The following ACOT1 variants were observed in gnomAD, a reference collection of about 807,000 sequenced individuals.
ACOT1 encodes acyl-coenzyme A thioesterase 1.
Under a neutral mutation model 15.7 loss-of-function variants are expected in ACOT1, and 8 were observed. The observed-to-expected ratio is 0.51, with a 90% CI of 0.30 to 0.92. The LOEUF is 0.92. ACOT1 is among the 40% of genes least tolerant of loss of function. The pLI is 0.06. For synonymous variants in ACOT1, 67 were observed against 241.2 expected, an observed-to-expected ratio of 0.28 and a Z score of 6.69; for missense variants, 151 against 539.4, an observed-to-expected ratio of 0.28 and a Z score of 7.13.
chr14:73,520,238 G>C, the ACOT1 span: 3 of 152,250 alleles, frequency 2.0e-5, no homozygotes, highest in African/African-American at 7.2e-5. Context: ...AGGCATCTAA[G>C]GGACAGCAGT....
At chr14:73,503,092 C>CT in the ACOT1 span, 1 of 1,104,876 alleles carries the variant, frequency 9.1e-7, no homozygotes, top group Non-Finnish European at 1.4e-6. Context: ...GTTTTTTCTT[C>CT]TTTTTTTACT....
chr14:73,493,420 T>C, the ACOT1 span: 1 of 318,904 alleles, frequency 3.1e-6, no homozygotes, highest in South Asian at 5.6e-5. Flanking sequence ...TAGATTATTA[T>C]GTGGGATGGT....
chr14:73,506,722 T>C, the ACOT1 span: 1 of 488,776 alleles, frequency 2.0e-6, no homozygotes, highest in Non-Finnish European at 3.6e-6. Flanking sequence ...GCCAACTGAC[T>C]CTGGGATCAT....
the ACOT1 span, chr14:73,520,910 G>T: frequency 1.2e-6 from 2 of 1,613,952 alleles, no homozygotes; most frequent in Non-Finnish European, 1.7e-6. Context: ...TTCCAGCTCG[G>T]GGAGTCACCT....
At chr14:73,516,748 G>A in the ACOT1 span, among the ~76,000 whole-genome samples, 36 of 152,306 alleles carry the variant, frequency 2.4e-4, no homozygotes, top group African/African-American at 7.9e-4. Flanking sequence ...TCTGCCTCCT[G>A]TCAGATCAGC....
At chr14:73,512,710 C>A in the ACOT1 span, among the ~76,000 whole-genome samples, 294 of 152,320 alleles carry the variant, frequency 1.9e-3, 4 homozygotes, top group African/African-American at 6.2e-3. Context: ...TTTGAGGGCA[C>A]TTCCATTTGG....
the ACOT1 span, among the ~76,000 whole-genome samples, chr14:73,509,870 T>TATATATA: frequency 1.5e-5 from 1 of 65,124 alleles, no homozygotes; most frequent in African/African-American, 5.9e-5. Flanking sequence ...ATATATATAT[T>TATATATA]TATTTATTTT....
rs200357086 is a variant in ACOT1, at chr14:73,540,742, CTTTT to C, written c.458-735_458-732del. On this transcript the variant is annotated intron_variant, in intron 1 of 2. Coordinates refer to ENST00000311148, the MANE Select transcript of ACOT1 (RefSeq NM_001037161.2). ...GTGTTGCCTGTAAGGTGTTTGCATTCTTTTTTTTTTTTTTTTTTTGAGACAGTGT... is the reference window on the plus strand; with the variant it reads ...GTGTTGCCTGTAAGGTGTTTGCATTCTTTTTTTTTTTTTTTGAGACAGTGT... 9.7e-3 allele frequency among the ~76,000 whole-genome samples: 775 copies of C among 79,846 alleles called. 3 individuals are homozygous for C. The highest frequency in any genetic ancestry group is 0.049 in the East Asian group (59 of 1,196). The allele number at this position is 79,846 out of a possible 152,430, so 52.4% of individuals were successfully genotyped here.
the ACOT1 span, among the ~76,000 whole-genome samples, chr14:73,523,948 A>G: frequency 6.6e-6 from 1 of 152,096 alleles, no homozygotes; most frequent in African/African-American, 2.4e-5. Flanking sequence ...TCTGTCTTTC[A>G]GAGTCATCCA....
chr14:73,542,920 T>C lies in ACOT1; in HGVS notation c.661-130T>C, dbSNP rs1213153432. 61 of 998,294 alleles carry C rather than the reference T, an allele frequency of 6.1e-5. 18 individuals carry two copies. The Middle Eastern group carries it at 1.1e-3, about 17-fold the overall frequency. 61.8% of individuals were successfully genotyped at this position (998,294 alleles called of 1,614,324 possible). ...TAGAGGGGAGGTAAATTCCCAAAGC[T>C]GCAAATCTGGGTAAATGGTAGAACC... On this transcript the variant is annotated intron_variant, in intron 2 of 2. Coordinates refer to ENST00000311148, the MANE Select transcript of ACOT1 (RefSeq NM_001037161.2).
chr14:73,521,011 T>A, the ACOT1 span: 1 of 1,613,348 alleles, frequency 6.2e-7, no homozygotes, highest in Non-Finnish European at 8.5e-7. Context: ...ATCTCAACTG[T>A]CTCTGCTTGT....
the ACOT1 span, chr14:73,520,814 C>T: frequency 6.4e-7 from 1 of 1,569,234 alleles, no homozygotes; most frequent in East Asian, 2.2e-5. Flanking sequence ...TGGCCCATGT[C>T]CCCGTGTGCC....
At chr14:73,500,596 C>T in the ACOT1 span, 18 of 1,613,812 alleles carry the variant, frequency 1.1e-5, no homozygotes, top group African/African-American at 6.7e-5. Context: ...ACAGGCTGCC[C>T]GCCGAACTGC....
At chr14:73,522,139 A>G in the ACOT1 span, 1 of 930,916 alleles carries the variant, frequency 1.1e-6, no homozygotes, top group Non-Finnish European at 1.7e-6. Context: ...GCTCTCAGAG[A>G]GCAGGCCGGT....
At chr14:73,505,205 C>T in the ACOT1 span, among the ~76,000 whole-genome samples, 1 of 152,160 alleles carries the variant, frequency 6.6e-6, no homozygotes. Context: ...GCATGAGCCA[C>T]CGTACCGGAC....
chr14:73,512,023 G>A, the ACOT1 span: 3 of 1,613,930 alleles, frequency 1.9e-6, no homozygotes, highest in Non-Finnish European at 2.5e-6. Context: ...TCTCTGGCTG[G>A]TGGCAATCCG....
the ACOT1 span, among the ~76,000 whole-genome samples, chr14:73,527,798 C>T: frequency 6.6e-6 from 1 of 151,368 alleles, no homozygotes; most frequent in African/African-American, 2.4e-5. Context: ...GCCAACATGG[C>T]GAAACCCCAT....
At chr14:73,500,225 G>A in the ACOT1 span, among the ~76,000 whole-genome samples, 5 of 151,566 alleles carry the variant, frequency 3.3e-5, no homozygotes, top group African/African-American at 7.3e-5. Flanking sequence ...GCGAGACTCC[G>A]TCTCAAAACA....
At chr14:73,521,177 T>A in the ACOT1 span, 1 of 742,058 alleles carries the variant, frequency 1.3e-6, no homozygotes, top group South Asian at 1.8e-5. Context: ...CACCAATGTT[T>A]AACTTTTAGC....
Sources: allele counts gnomAD v4.1 joint callset (sites outside exome capture counted in the v4.1 genomes callset), GRCh38; gene constraint gnomAD v4.1.1; transcripts MANE v1.5; gene names NCBI Gene and HGNC (gene_info 2026-07-23, HGNC 2026-07-21).